The following MAGOH variants were observed in gnomAD, a reference collection of about 807,000 sequenced individuals.
MAGOH encodes the protein protein mago nashi homolog.
MAGOH carries 3 observed loss-of-function variants against 20.9 expected under a neutral mutation model. That is an observed-to-expected ratio of 0.14 (90% CI 0.07 to 0.37). The LOEUF is 0.37. Ranked by LOEUF, MAGOH falls within the 10% of genes least tolerant of loss-of-function variation. The pLI is 1.00. For synonymous variants in MAGOH, 51 were observed against 61.0 expected (o/e 0.84, Z 0.76); for missense variants, 66 against 178.1 (o/e 0.37, Z 3.58).
intron 2 of MAGOH, among the ~76,000 whole-genome samples, chr1:53,235,102 AATG>A (rs1645605078): frequency 1.3e-5 from 2 of 152,318 alleles, no homozygotes; most frequent in South Asian, 4.1e-4. Context: ...ACATGCATTC[AATG>A]ATGTCAACTG....
At chr1:53,237,421 T>C in intron 1 of MAGOH, among the ~76,000 whole-genome samples, 1 of 150,170 alleles carries the variant, frequency 6.7e-6, no homozygotes, top group African/African-American at 2.4e-5. Context: ...ACACCTGTAA[T>C]CCCAGCACTT....
chr1:53,237,735 C>T (rs1645619963), intron 1 of MAGOH, among the ~76,000 whole-genome samples: 1 of 148,284 alleles, frequency 6.7e-6, no homozygotes, highest in Admixed American at 6.7e-5. Context: ...CTATAAAGAC[C>T]TAAGAGGTGC....
At chr1:53,228,160 G>A (rs943008943) in intron 4 of MAGOH, among the ~76,000 whole-genome samples, 3 of 152,114 alleles carry the variant, frequency 2.0e-5, no homozygotes, top group African/African-American at 4.8e-5. Flanking sequence ...GGCTGGGCGC[G>A]GTGGCTCACG....
intron 2 of MAGOH, among the ~76,000 whole-genome samples, chr1:53,234,748 G>C (rs924688528): frequency 6.6e-6 from 1 of 152,164 alleles, no homozygotes; most frequent in Non-Finnish European, 1.5e-5. Flanking sequence ...TAAAAAAATA[G>C]TGAGGATATT....
intron 1 of MAGOH, among the ~76,000 whole-genome samples, chr1:53,237,137 C>T (rs552480849): frequency 1.8e-3 from 275 of 150,694 alleles, no homozygotes; most frequent in Non-Finnish European, 3.4e-3. Context: ...TTAGTAGAGG[C>T]GGGGTTTCAC....
chr1:53,237,727 A>G (rs1645619911), intron 1 of MAGOH, among the ~76,000 whole-genome samples: 1 of 144,292 alleles, frequency 6.9e-6, no homozygotes, highest in Middle Eastern at 3.5e-3. Context: ...ACCGTGGTCT[A>G]TAAAGACCTA....
chr1:53,236,417 CAGCTA>C (rs1307795245), intron 1 of MAGOH, among the ~76,000 whole-genome samples: 6 of 152,238 alleles, frequency 3.9e-5, no homozygotes, highest in African/African-American at 1.2e-4. Flanking sequence ...ACATGGCATA[CAGCTA>C]AGCTAAGCCC....
intron 3 of MAGOH, among the ~76,000 whole-genome samples, chr1:53,232,840 C>T (rs948568682): frequency 1.3e-5 from 2 of 152,342 alleles, no homozygotes; most frequent in African/African-American, 2.4e-5. Context: ...GCGGCTTACG[C>T]CTGTAACCAC....
rs1645596808 is a variant in MAGOH at position 53,233,596 on chromosome 1, T to A, written c.204A>T (p.Glu68Asp). Residue 68 changes from glutamate to aspartate, a missense_variant, in exon 3 of 5, where the codon GAA (glutamate) becomes GAT (aspartate). Transcript: ENST00000371470. Reference protein sequence around the residue: ...EELKRIIDDSEITKEDDALWP... With the variant: ...EELKRIIDDSDITKEDDALWP... ...ACAATGCATCATCCTCTTTGGTAAT[T>A]TCACTGTCGTCAATTATTCTCTTCA... is the stretch of plus-strand genomic sequence containing the variant. 6.2e-7 allele frequency: 1 copy of A among 1,614,042 alleles called. No individual in the cohort carries two copies. Among genetic ancestry groups the A allele is most frequent in the African/African-American group, 1.3e-5 (1 of 74,902 alleles).
intron 3 of MAGOH, among the ~76,000 whole-genome samples, chr1:53,231,310 T>C (rs973708621): frequency 2.0e-5 from 3 of 152,228 alleles, no homozygotes; most frequent in Non-Finnish European, 4.4e-5. Flanking sequence ...TTGCCAGTTT[T>C]ATGTTTTGCA....
intron 3 of MAGOH, among the ~76,000 whole-genome samples, chr1:53,232,839 G>A (rs1261212744): frequency 1.3e-5 from 2 of 152,186 alleles, no homozygotes; most frequent in South Asian, 2.1e-4. Context: ...GGCGGCTTAC[G>A]CCTGTAACCA....
chr1:53,238,452 T>C lies in MAGOH; in HGVS notation c.-4A>G, dbSNP rs1467654602. On this transcript the variant is annotated 5_prime_UTR_variant, in exon 1 of 5. Transcript: ENST00000371470. ...GCAGATAAAAGTCACTCTCCATGGC[T>C]CCCAAAAGACAACCGAGCCTGAACT... 3 of 1,613,208 alleles carry C rather than the reference T, an allele frequency of 1.9e-6. No homozygotes were observed. In the East Asian group the frequency reaches 6.7e-5, roughly 36 times the overall value.
chr1:53,230,773 A>G (rs1353235950), intron 3 of MAGOH, among the ~76,000 whole-genome samples: 1 of 152,106 alleles, frequency 6.6e-6, no homozygotes, highest in Non-Finnish European at 1.5e-5. Flanking sequence ...TTTTTACAAA[A>G]TGGTCTTATT....
intron 2 of MAGOH, among the ~76,000 whole-genome samples, chr1:53,234,373 CTT>C (rs71579963): frequency 2.0e-4 from 27 of 132,620 alleles, no homozygotes; most frequent in Admixed American, 2.4e-4. Context: ...CCTGGTTATT[CTT>C]TTTTTTTTTT....
At chr1:53,231,931 GC>G (rs778711475) in intron 3 of MAGOH, among the ~76,000 whole-genome samples, 1 of 152,048 alleles carries the variant, frequency 6.6e-6, no homozygotes, top group Non-Finnish European at 1.5e-5. Flanking sequence ...CTTCTATAAA[GC>G]CCTTTCAAGT....
chr1:53,227,511 C>T (rs974594311), intron 4 of MAGOH, among the ~76,000 whole-genome samples: 4 of 152,092 alleles, frequency 2.6e-5, no homozygotes, highest in Non-Finnish European at 4.4e-5. Context: ...GCATGTATTA[C>T]TTTCAGAGTT....
At chr1:53,227,383 A>C (rs764163778) in intron 4 of MAGOH, among the ~76,000 whole-genome samples, 2 of 152,190 alleles carry the variant, frequency 1.3e-5, no homozygotes, top group Non-Finnish European at 2.9e-5. Flanking sequence ...CATAGAATAA[A>C]TGCATTAAAG....
At position 53,233,299 on chromosome 1, in the gene MAGOH, G is replaced by T. The variant is rs570787623; in HGVS notation, c.258+243C>A. On this transcript the variant is annotated intron_variant, in intron 3 of 4. Coordinates refer to ENST00000371470, the MANE Select transcript of MAGOH (RefSeq NM_002370.4). ...TAGTTACCAAAATGGTGCTCAGAAT[G>T]AATATATACATTAATGTATATAAAT... is the stretch of plus-strand genomic sequence containing the variant. The T allele has an allele frequency of 1.5e-5, 5 of 334,474 alleles. No homozygotes were observed. The East Asian group carries it at 1.6e-4, about 10-fold the overall frequency. 20.7% of individuals were successfully genotyped at this position (334,474 alleles called of 1,614,324 possible).
At chr1:53,237,973 C>A (rs1645621474) in intron 1 of MAGOH, among the ~76,000 whole-genome samples, 1 of 152,142 alleles carries the variant, frequency 6.6e-6, no homozygotes, top group African/African-American at 2.4e-5. Context: ...CTCTAATGGC[C>A]AACCTATCTA....
Sources: allele counts gnomAD v4.1 joint callset (sites outside exome capture counted in the v4.1 genomes callset), GRCh38; gene constraint gnomAD v4.1.1; transcripts MANE v1.5; gene names NCBI Gene and HGNC (gene_info 2026-07-23, HGNC 2026-07-21).